Variants in EIF2AK3 observed in about 807,000 individuals in gnomAD.
EIF2AK3 encodes eukaryotic translation initiation factor 2 alpha kinase 3, also known as eukaryotic translation initiation factor 2-alpha kinase 3.
In EIF2AK3, 50 loss-of-function variants were observed where a neutral mutation model predicts 113.5. That is an observed-to-expected ratio of 0.44 (90% CI 0.35 to 0.56). The LOEUF is 0.56. Among genes scored for constraint, EIF2AK3 ranks in the 20% least tolerant of loss-of-function variants. The pLI, the probability that EIF2AK3 is intolerant of heterozygous loss-of-function variation, is 0.00. For synonymous variants in EIF2AK3, 448 were observed against 495.4 expected (o/e 0.90, Z 1.27); for missense variants, 1,185 against 1,378.0 (o/e 0.86, Z 2.22).
intron 1 of EIF2AK3, among the ~76,000 whole-genome samples, chr2:88,617,448 T>C (rs1350564837): frequency 6.6e-6 from 1 of 152,060 alleles, no homozygotes; most frequent in African/African-American, 2.4e-5. Context: ...TGAGCACACA[T>C]GGACATAAAC....
At chr2:88,593,227 T>C (rs371596364) in intron 4 of EIF2AK3, 45 bp downstream of exon 4, 1 of 1,612,126 alleles carries the variant, frequency 6.2e-7, no homozygotes, top group Non-Finnish European at 8.5e-7. Flanking sequence ...TGGTATTAGG[T>C]GTATTTCTAA....
At chr2:88,580,878 T>G (rs1369166488) in intron 10 of EIF2AK3, among the ~76,000 whole-genome samples, 1 of 152,114 alleles carries the variant, frequency 6.6e-6, no homozygotes, top group Admixed American at 6.6e-5. Context: ...TCTGTATTCC[T>G]AAAAATAGCC....
At chr2:88,589,321 T>A (rs889122008) in intron 6 of EIF2AK3, among the ~76,000 whole-genome samples, 2 of 152,196 alleles carry the variant, frequency 1.3e-5, no homozygotes, top group Non-Finnish European at 2.9e-5. Flanking sequence ...TTCCTTCAAA[T>A]TCTTGCTTTT....
Position 88,575,301 on chromosome 2 carries a change from A to C in EIF2AK3, c.2182T>G (p.Cys728Gly). The change falls in exon 13 of 17, where the codon TGT (cysteine) becomes GGT (glycine). Residue 728 changes from cysteine (C) to glycine (G), a missense_variant. Physicochemically the swap from Cys to Gly is radical, Grantham distance 159. This residue lies in a region of EIF2AK3 where 877 missense variants were observed against 1,024.2 expected (regional missense o/e 0.86). Coordinates refer to ENST00000303236, the MANE Select transcript of EIF2AK3 (RefSeq NM_004836.7). ...RSRSFSVGISCDQTSSSESQF... is the reference protein window; with the variant it reads ...RSRSFSVGISGDQTSSSESQF... The stretch of plus-strand genomic sequence containing the variant: ...CTCTCAGATGAACTTGTCTGGTCAC[A>C]GGAAATCCCTACTGAAAAAGACCTG... 1 of 1,614,196 alleles carries C rather than the reference A, an allele frequency of 6.2e-7. No individual in the cohort carries two copies. Among genetic ancestry groups the C allele is most frequent in the Non-Finnish European group, 8.5e-7 (1 of 1,180,010 alleles).
At chr2:88,607,388 G>A (rs1431289911) in intron 2 of EIF2AK3, among the ~76,000 whole-genome samples, 2 of 152,164 alleles carry the variant, frequency 1.3e-5, no homozygotes, top group African/African-American at 4.8e-5. Flanking sequence ...AAAATATTAT[G>A]CTTAGAACCT....
At chr2:88,562,834 T>C (rs1358992156) in intron 14 of EIF2AK3, among the ~76,000 whole-genome samples, 1 of 152,250 alleles carries the variant, frequency 6.6e-6, no homozygotes, top group Admixed American at 6.5e-5. Context: ...CAACTGTAGT[T>C]AGCCTTCATT....
At position 88,627,323 on chromosome 2, in the gene EIF2AK3, G is replaced by A; in HGVS notation, c.-49C>T. ...CATGGAGGCGCAGCCACTGACGCCT[G>A]CCTCTCCCGCCGCTTGGAGCTCCCA... On this transcript the variant is annotated 5_prime_UTR_variant, in exon 1 of 17. Transcript: ENST00000303236. 7.0e-7 allele frequency: 1 copy of A among 1,438,186 alleles called. No individual in the cohort carries two copies. The highest frequency in any genetic ancestry group is 1.3e-5 in the South Asian group (1 of 74,214). 89.1% of individuals were successfully genotyped at this position (1,438,186 alleles called of 1,614,324 possible).
intron 15 of EIF2AK3, among the ~76,000 whole-genome samples, chr2:88,560,120 CT>C (rs991914685): frequency 6.6e-6 from 1 of 151,304 alleles, no homozygotes; most frequent in African/African-American, 2.4e-5. Context: ...TTGACATTTC[CT>C]TTTTTTTTAA....
At chr2:88,590,685 TCA>T in intron 5 of EIF2AK3, 80 bp from the exon 6 acceptor site, 1 of 1,574,782 alleles carries the variant, frequency 6.4e-7, no homozygotes, top group Non-Finnish European at 8.7e-7. Context: ...CCATTTAAAA[TCA>T]CAAATTTATA....
intron 12 of EIF2AK3, among the ~76,000 whole-genome samples, chr2:88,575,783 A>C (rs1378663792): frequency 6.6e-6 from 1 of 152,200 alleles, no homozygotes; most frequent in Non-Finnish European, 1.5e-5. Flanking sequence ...GCGCCTCACA[A>C]GGCCTTGAGA....
chr2:88,576,521 T>C (rs925330581), intron 12 of EIF2AK3, 33 bp downstream of exon 12: 6 of 1,613,128 alleles, frequency 3.7e-6, no homozygotes, highest in African/African-American at 1.3e-5. Context: ...AGCAAAAAAC[T>C]AGCTTAAGTG....
chr2:88,608,461 G>GT (rs1675342756), intron 2 of EIF2AK3, among the ~76,000 whole-genome samples: 1 of 152,106 alleles, frequency 6.6e-6, no homozygotes. Context: ...TACCTGGGAG[G>GT]TGACACCTGC....
At chr2:88,565,111 A>G (rs1674074404) in intron 14 of EIF2AK3, among the ~76,000 whole-genome samples, 2 of 148,352 alleles carry the variant, frequency 1.3e-5, no homozygotes, top group African/African-American at 5.0e-5. Context: ...ATGTCGGCTC[A>G]CTGCAACCTC....
At chr2:88,574,402 C>T (rs1674396215) in intron 13 of EIF2AK3, 8 of 507,342 alleles carry the variant, frequency 1.6e-5, no homozygotes, top group Middle Eastern at 1.1e-3. Context: ...TTTCCCTCAC[C>T]TGGACTACTG....
At chr2:88,610,436 T>C (rs982976115) in intron 2 of EIF2AK3, among the ~76,000 whole-genome samples, 2 of 152,214 alleles carry the variant, frequency 1.3e-5, no homozygotes, top group African/African-American at 2.4e-5. Context: ...AAACTTCCAC[T>C]TGTTTTGGCA....
intron 7 of EIF2AK3, 30 bp downstream of exon 7, chr2:88,588,731 A>G (rs764207195): frequency 1.2e-6 from 2 of 1,612,692 alleles, no homozygotes; most frequent in South Asian, 1.1e-5. Context: ...GAACACTAAC[A>G]GTATTTAGAA....
chr2:88,612,779 C>T (rs1675487337), intron 2 of EIF2AK3, among the ~76,000 whole-genome samples: 1 of 152,102 alleles, frequency 6.6e-6, no homozygotes, highest in East Asian at 1.9e-4. Context: ...ACGATTTTGT[C>T]TTTTCCATAC....
rs2104412226 is a variant in EIF2AK3 at position 88,575,414 on chromosome 2, A to G, written c.2069T>C (p.Met690Thr). ...GCGTATTTTAACTGATGGTGCATCC[A>G]TTGGGCTAGGAGAGCTGAGTGGCCA... ...TDWPLSSPSP[M>T]DAPSVKIRRM... is the part of the protein sequence containing the mutation. The change falls in exon 13 of 17, where the codon ATG becomes ACG. Residue 690 changes from methionine (M) to threonine (T), a missense_variant. This residue lies in a region of EIF2AK3 where 877 missense variants were observed against 1,024.2 expected (regional missense o/e 0.86). Coordinates refer to ENST00000303236, the MANE Select transcript of EIF2AK3 (RefSeq NM_004836.7). The G allele has an allele frequency of 3.7e-6, 6 of 1,610,738 alleles. No individual in the cohort carries two copies. The highest frequency in any genetic ancestry group is 1.1e-5 in the South Asian group (1 of 91,092).
At chr2:88,596,468 G>A (rs1201057697) in intron 2 of EIF2AK3, among the ~76,000 whole-genome samples, 1 of 152,060 alleles carries the variant, frequency 6.6e-6, no homozygotes, top group East Asian at 1.9e-4. Flanking sequence ...GGTGATAAAT[G>A]CCGTTAAAAA....
Sources: allele counts gnomAD v4.1 joint callset (sites outside exome capture counted in the v4.1 genomes callset), GRCh38; gene constraint gnomAD v4.1.1; regional missense constraint gnomAD v4.1.1; transcripts MANE v1.5; gene names NCBI Gene and HGNC (gene_info 2026-07-23, HGNC 2026-07-21).